The following DMTF1 variants were observed in gnomAD, a reference collection of about 807,000 sequenced individuals.
DMTF1 encodes the protein cyclin D binding myb like transcription factor 1, also known as cyclin-D-binding Myb-like transcription factor 1.
A neutral mutation model predicts 91.1 loss-of-function variants in DMTF1; 39 were observed. That is an observed-to-expected ratio of 0.43 (90% CI 0.33 to 0.56). The LOEUF (loss-of-function observed/expected upper bound fraction) is 0.56, where lower values mean the gene tolerates loss of function less well. DMTF1 is among the 20% of genes least tolerant of loss of function. The pLI, the probability that DMTF1 is intolerant of heterozygous loss-of-function variation, is 0.05. For missense variants in DMTF1, 750 were observed against 914.5 expected (o/e 0.82, Z 2.32); for synonymous variants, 338 against 309.5 (o/e 1.09, Z -0.97).
chr7:87,194,435 T>G, intron 16 of DMTF1: 2 of 486,672 alleles, frequency 4.1e-6, no homozygotes, highest in South Asian at 7.3e-5. Flanking sequence ...CATCCTACAC[T>G]GTAACAGCAT....
At chr7:87,155,265 G>T (rs1468249987) in intron 1 of DMTF1, among the ~76,000 whole-genome samples, 1 of 152,196 alleles carries the variant, frequency 6.6e-6, no homozygotes, top group Admixed American at 6.5e-5. Flanking sequence ...AAAGTTTAAG[G>T]AGGGTTCATT....
chr7:87,193,110 ATT>A, intron 14 of DMTF1, 86 bp from the exon 15 acceptor site: 1 of 1,401,348 alleles, frequency 7.1e-7, no homozygotes, highest in Non-Finnish European at 1.0e-6. Context: ...GGGTAAGTAC[ATT>A]TGTGTCTAGT....
chr7:87,167,004 A>G (rs1793979613), intron 4 of DMTF1, among the ~76,000 whole-genome samples: 1 of 152,174 alleles, frequency 6.6e-6, no homozygotes, highest in Non-Finnish European at 1.5e-5. Context: ...CCCAAGAACC[A>G]TATTTGCCCT....
Position 87,179,613 on chromosome 7 carries a change from C to G in DMTF1, c.588C>G (p.Tyr196Ter). 6.4e-7 allele frequency: 1 copy of G among 1,572,328 alleles called. No individual in the cohort carries two copies. Among genetic ancestry groups the G allele is most frequent in the Non-Finnish European group, 8.6e-7 (1 of 1,166,352 alleles). The part of the protein sequence containing the change: ...EMSKDERKDF[Y>*]RTIAWGLNRP... ...CAAAAGACGAAAGAAAAGATTTCTA[C>G]AGGACTATAGCATGGGGTCTGAACC... The change falls in exon 8 of 18, where the codon TAC becomes TAG. Residue 196 changes from tyrosine to a stop codon, truncating the protein, a stop_gained. Transcript: ENST00000331242. LOFTEE classifies it high-confidence loss of function.
intron 6 of DMTF1, 116 bp from the exon 7 acceptor site, chr7:87,174,477 A>G: frequency 1.5e-6 from 1 of 674,918 alleles, no homozygotes; most frequent in Middle Eastern, 4.0e-4. Flanking sequence ...AGGAATGAGA[A>G]ATGAAATTAG....
chr7:87,167,827 T>C (rs577202868), intron 4 of DMTF1, among the ~76,000 whole-genome samples: 1 of 152,354 alleles, frequency 6.6e-6, no homozygotes, highest in East Asian at 1.9e-4. Context: ...TTCTAAAACT[T>C]AATTGGCCTA....
At chr7:87,167,383 G>T (rs919472752) in intron 4 of DMTF1, among the ~76,000 whole-genome samples, 36 of 152,208 alleles carry the variant, frequency 2.4e-4, no homozygotes, top group Admixed American at 2.2e-3. Flanking sequence ...TTAGCAAAGA[G>T]TGTGGAGTGT....
chr7:87,156,929 C>G (rs1288614451), intron 1 of DMTF1, among the ~76,000 whole-genome samples: 3 of 152,066 alleles, frequency 2.0e-5, no homozygotes, highest in Non-Finnish European at 4.4e-5. Context: ...AAATTTAGAT[C>G]TATGTGCTCA....
intron 14 of DMTF1, 83 bp downstream of exon 14, chr7:87,191,110 G>GATTC: frequency 1.1e-6 from 1 of 909,992 alleles, no homozygotes; most frequent in Non-Finnish European, 1.7e-6. Flanking sequence ...ATTTGCTTAT[G>GATTC]ATTCATAAAA....
intron 1 of DMTF1, among the ~76,000 whole-genome samples, chr7:87,156,365 C>T (rs1341058279): frequency 6.6e-5 from 10 of 152,150 alleles, no homozygotes; most frequent in Non-Finnish European, 1.3e-4. Context: ...CTAGAATAGA[C>T]TCCACTAACA....
chr7:87,159,450 G>T (rs975091707), intron 1 of DMTF1, among the ~76,000 whole-genome samples: 7 of 152,128 alleles, frequency 4.6e-5, no homozygotes, highest in Non-Finnish European at 7.4e-5. Context: ...ATCTCAAGCA[G>T]ATCGTCCATG....
Position 87,166,483 on chromosome 7 carries a change from A to C in DMTF1, c.110A>C (p.Glu37Ala). Residue 37 changes from glutamate (E) to alanine (A), a missense_variant and splice_region_variant, in exon 4 of 18, where the codon GAA (glutamate) becomes GCA (alanine). This residue lies in a region of DMTF1 where 150 missense variants were observed against 150.4 expected (regional missense o/e 1.00). Transcript: ENST00000331242. ...TTGTTTGTTTGTTTTCTTCCATTAG[A>C]AGCGGATGAAATAGACTCAGAAGAT... The part of the protein sequence containing the change: ...GNLILHCPQN[E>A]ADEIDSEDSI... 1 of 1,607,714 alleles carries C rather than the reference A, an allele frequency of 6.2e-7. No individual in the cohort carries two copies. The highest frequency in any genetic ancestry group is 8.5e-7 in the Non-Finnish European group (1 of 1,178,088).
chr7:87,183,066 A>G (rs963408220), intron 10 of DMTF1, among the ~76,000 whole-genome samples: 3 of 152,146 alleles, frequency 2.0e-5, no homozygotes, highest in African/African-American at 7.2e-5. Context: ...AGGATCCACA[A>G]TCCATGCCCA....
At chr7:87,169,010 A>G (rs929205084) in intron 4 of DMTF1, among the ~76,000 whole-genome samples, 1 of 152,134 alleles carries the variant, frequency 6.6e-6, no homozygotes, top group African/African-American at 2.4e-5. Context: ...TTGTTGTCCT[A>G]TCTTAGGCCT....
At position 87,195,380 on chromosome 7, in the gene DMTF1, GT is replaced by G. The variant is rs757634454; in HGVS notation, c.*243del. On this transcript the variant is annotated 3_prime_UTR_variant, in exon 18 of 18. Coordinates refer to ENST00000331242, the MANE Select transcript of DMTF1 (RefSeq NM_001142327.2). ...CTGGGAGTTTTAAGCATAAATCCCT[GT>G]TTAGTGTTACATGGGAATAAGGAAT... The G allele has an allele frequency of 8.2e-6, 3 of 364,672 alleles. No homozygotes were observed. The highest frequency in any genetic ancestry group is 1.5e-5 in the Non-Finnish European group (3 of 200,810). 22.6% of individuals were successfully genotyped at this position (364,672 alleles called of 1,614,324 possible). A position where few individuals can be genotyped will look rare whatever the true frequency, so the allele number is the denominator to read the frequency against.
intron 5 of DMTF1, 133 bp downstream of exon 5, chr7:87,171,222 C>A: frequency 1.9e-6 from 1 of 513,634 alleles, no homozygotes; most frequent in South Asian, 3.7e-5. Flanking sequence ...AGGTTTAGCC[C>A]TTATTATGAA....
chr7:87,173,041 TAA>T (rs897908093), intron 5 of DMTF1, among the ~76,000 whole-genome samples: 3 of 152,238 alleles, frequency 2.0e-5, no homozygotes, highest in African/African-American at 4.8e-5. Context: ...TATTTTAAGT[TAA>T]GAGATGACAT....
intron 10 of DMTF1, 68 bp downstream of exon 10, chr7:87,182,405 C>T (rs1797551410): frequency 6.8e-7 from 1 of 1,480,250 alleles, no homozygotes; most frequent in Non-Finnish European, 9.4e-7. Flanking sequence ...AGGATACTGC[C>T]TTTTCTTTGC....
Position 87,163,577 on chromosome 7 carries a change from A to G in DMTF1, c.-49A>G, listed in dbSNP as rs1793052746. 1 of 152,212 alleles carries G rather than the reference A, an allele frequency of 6.6e-6. No individual in the cohort carries two copies. Among genetic ancestry groups the G allele is most frequent in the African/African-American group, 2.4e-5 (1 of 41,456 alleles). 9.4% of individuals were successfully genotyped at this position (152,212 alleles called of 1,614,324 possible). A position where few individuals can be genotyped will look rare whatever the true frequency, so the allele number is the denominator to read the frequency against. On this transcript the variant is annotated 5_prime_UTR_variant, in exon 2 of 18. Transcript: ENST00000331242. ...CTGGTTGCTAAGGGAAGGCAACTTG[A>G]TTCTGTGGGAAGGGCTGTAGCTGAT...
Sources: gnomAD v4.1 joint callset for allele counts (sites outside exome capture counted in the v4.1 genomes callset) on GRCh38, gnomAD v4.1.1 for gene constraint, gnomAD v4.1.1 regional missense constraint, MANE v1.5 for transcripts, NCBI Gene and HGNC (gene_info 2026-07-23, HGNC 2026-07-21) for gene names.